The following ALMS1 variants were observed in gnomAD, a reference collection of about 807,000 sequenced individuals.
ALMS1 encodes the protein ALMS1 centrosome and basal body associated protein.
Under a neutral mutation model 352.2 loss-of-function variants are expected in ALMS1, and 271 were observed. The observed-to-expected ratio is 0.77, with a 90% CI of 0.70 to 0.85. ALMS1 has a LOEUF of 0.85. Among genes scored for constraint, ALMS1 ranks in the 40% least tolerant of loss-of-function variants. ALMS1 has a pLI of 0.00. For missense variants in ALMS1, 5,445 were observed against 4,870.7 expected (o/e 1.12, Z -3.51); for synonymous variants, 1,865 against 1,761.2 (o/e 1.06, Z -1.48).
chr2:73,522,547 G>C (rs1456594705), intron 11 of ALMS1, among the ~76,000 whole-genome samples: 1 of 140,298 alleles, frequency 7.1e-6, no homozygotes, highest in Non-Finnish European at 1.5e-5. Context: ...TTGGCTCACT[G>C]CAACCTGCAT....
intron 9 of ALMS1, among the ~76,000 whole-genome samples, chr2:73,485,933 C>T (rs1480198651): frequency 6.6e-6 from 1 of 151,980 alleles, no homozygotes; most frequent in Non-Finnish European, 1.5e-5. Flanking sequence ...TGCTTCGTCT[C>T]GCACACGGTG....
At chr2:73,409,288 A>T (rs1437477529) in intron 2 of ALMS1, among the ~76,000 whole-genome samples, 2 of 152,072 alleles carry the variant, frequency 1.3e-5, no homozygotes, top group African/African-American at 2.4e-5. Flanking sequence ...TAGTTTAAAA[A>T]TTTTTTATAG....
At chr2:73,543,690 TCAA>T (rs1306411379) in intron 12 of ALMS1, among the ~76,000 whole-genome samples, 1 of 151,956 alleles carries the variant, frequency 6.6e-6, no homozygotes, top group African/African-American at 2.4e-5. Context: ...AACAACCCCA[TCAA>T]CAAGTGGGCG....
intron 15 of ALMS1, among the ~76,000 whole-genome samples, chr2:73,568,360 T>TA (rs1474199949): frequency 1.3e-5 from 2 of 152,184 alleles, no homozygotes; most frequent in Non-Finnish European, 2.9e-5. Context: ...GACTTCCATT[T>TA]AAGGGAATAA....
chr2:73,424,475 A>G lies in ALMS1; in HGVS notation c.810A>G (p.Pro270=), dbSNP rs2103714585. Residue 270 remains proline (P), a synonymous_variant, in exon 5 of 23, where the codon CCA becomes CCG. Transcript: ENST00000613296. ...AAGATACTGAATGGTCTTCTCGACC[A>G]TCGGAAGTTAGTGAAGCTTTATTCC... ...KSEDTEWSSR[P]SEVSEALFQA... 2 of 1,603,372 alleles carry G rather than the reference A, an allele frequency of 1.2e-6. No individual in the cohort carries two copies. Among genetic ancestry groups the G allele is most frequent in the Admixed American group, 1.7e-5 (1 of 58,126 alleles).
At chr2:73,436,071 T>C (rs1442456892) in intron 7 of ALMS1, among the ~76,000 whole-genome samples, 1 of 152,224 alleles carries the variant, frequency 6.6e-6, no homozygotes, top group African/African-American at 2.4e-5. Context: ...TGTTATTTCT[T>C]GTAAGATGGA....
intron 1 of ALMS1, among the ~76,000 whole-genome samples, chr2:73,397,593 G>C (rs1487923796): frequency 6.6e-6 from 1 of 152,008 alleles, no homozygotes; most frequent in East Asian, 1.9e-4. Context: ...TCAGCCTCCT[G>C]AGTAGCTGGG....
chr2:73,496,820 C>T (rs1185234272), intron 10 of ALMS1, among the ~76,000 whole-genome samples: 1 of 152,114 alleles, frequency 6.6e-6, no homozygotes, highest in African/African-American at 2.4e-5. Flanking sequence ...GCATGTCCTT[C>T]CTTAATGGCT....
At chr2:73,507,173 A>G (rs974304461) in intron 10 of ALMS1, among the ~76,000 whole-genome samples, 17 of 152,066 alleles carry the variant, frequency 1.1e-4, no homozygotes, top group African/African-American at 3.9e-4. Context: ...CTGCTGGATT[A>G]GGTTTGCCAG....
At chr2:73,464,468 G>T (rs922914207) in intron 9 of ALMS1, among the ~76,000 whole-genome samples, 1 of 152,168 alleles carries the variant, frequency 6.6e-6, no homozygotes, top group Non-Finnish European at 1.5e-5. Flanking sequence ...AGCTATCTAT[G>T]ACAAACCCAC....
chr2:73,474,566 C>T (rs1672544974), intron 9 of ALMS1, among the ~76,000 whole-genome samples: 1 of 151,916 alleles, frequency 6.6e-6, no homozygotes, highest in Admixed American at 6.6e-5. Flanking sequence ...TGTCCACCTC[C>T]CGAGCTCAAG....
chr2:73,549,065 C>A (rs1558690204), intron 12 of ALMS1, among the ~76,000 whole-genome samples: 2 of 152,142 alleles, frequency 1.3e-5, no homozygotes, highest in Non-Finnish European at 2.9e-5. Context: ...ACTAATGATA[C>A]AGGTACTTAC....
At chr2:73,489,511 A>T in intron 9 of ALMS1, 123 bp from the exon 10 acceptor site, 2 of 1,129,150 alleles carry the variant, frequency 1.8e-6, no homozygotes, top group Non-Finnish European at 2.6e-6. Flanking sequence ...TATATTATAA[A>T]AGAATGACAT....
intron 9 of ALMS1, among the ~76,000 whole-genome samples, chr2:73,461,016 G>A (rs1672186446): frequency 6.6e-6 from 1 of 152,206 alleles, no homozygotes; most frequent in Admixed American, 6.5e-5. Flanking sequence ...CTGGGGGCAG[G>A]GCATAGCCAA....
chr2:73,413,468 A>G (rs889685247), intron 2 of ALMS1, among the ~76,000 whole-genome samples: 2 of 152,024 alleles, frequency 1.3e-5, no homozygotes, highest in African/African-American at 4.8e-5. Flanking sequence ...TTTTGGGTTG[A>G]ATAATTCTTC....
At chr2:73,484,072 T>C (rs1178386031) in intron 9 of ALMS1, among the ~76,000 whole-genome samples, 8,889 of 151,294 alleles carry the variant, frequency 0.059, 712 homozygotes, top group African/African-American at 0.16. Flanking sequence ...AGTCCATTTA[T>C]ATTTAAAGTT....
chr2:73,526,497 G>C (rs1354137843), intron 11 of ALMS1, among the ~76,000 whole-genome samples: 3 of 152,026 alleles, frequency 2.0e-5, no homozygotes, highest in Non-Finnish European at 4.4e-5. Context: ...CCTTTATAGA[G>C]ATCTTTCACT....
At chr2:73,598,946 G>A (rs1042758133) in intron 16 of ALMS1, among the ~76,000 whole-genome samples, 2 of 152,114 alleles carry the variant, frequency 1.3e-5, no homozygotes, top group African/African-American at 4.8e-5. Context: ...GACGTCTCAC[G>A]AGCCTTGTAG....
intron 10 of ALMS1, among the ~76,000 whole-genome samples, chr2:73,510,635 G>A (rs892101411): frequency 6.6e-6 from 1 of 152,180 alleles, no homozygotes; most frequent in Non-Finnish European, 1.5e-5. Flanking sequence ...GCTCTCCTGT[G>A]TGAGGTGTCT....
Sources: allele counts gnomAD v4.1 joint callset (sites outside exome capture counted in the v4.1 genomes callset), GRCh38; gene constraint gnomAD v4.1.1; transcripts MANE v1.5; gene names NCBI Gene and HGNC (gene_info 2026-07-23, HGNC 2026-07-21).